Variants in BBS9 observed in about 807,000 individuals in gnomAD.
BBS9 encodes the protein Bardet-Biedl syndrome 9, also known as protein PTHB1.
A neutral mutation model predicts 117.7 loss-of-function variants in BBS9; 89 were observed. That is an observed-to-expected ratio of 0.76 (90% CI 0.64 to 0.90). The LOEUF is 0.90. Ranked by LOEUF, BBS9 falls within the 40% of genes least tolerant of loss-of-function variation. BBS9 has a pLI of 0.00. For synonymous variants in BBS9, 379 were observed against 370.9 expected (o/e 1.02, Z -0.25); for missense variants, 982 against 1,042.2 (o/e 0.94, Z 0.80).
At chr7:33,340,337 G>T in intron 10 of BBS9, among the ~76,000 whole-genome samples, 1 of 152,070 alleles carries the variant, frequency 6.6e-6, no homozygotes, top group East Asian at 1.9e-4. Flanking sequence ...TAAAATATCA[G>T]TATGTAAAGA....
At chr7:33,297,642 A>C (rs1403996876) in intron 9 of BBS9, among the ~76,000 whole-genome samples, 2 of 152,134 alleles carry the variant, frequency 1.3e-5, no homozygotes, top group African/African-American at 4.8e-5. Flanking sequence ...GCAACAAAAG[A>C]TGTATCTCAC....
Position 33,519,725 on chromosome 7 carries a change from G to C in BBS9, c.2298+14080G>C, listed in dbSNP as rs149651656. On this transcript the variant is annotated intron_variant, in intron 20 of 22. Coordinates refer to ENST00000242067, the MANE Select transcript of BBS9 (RefSeq NM_198428.3). ...GGGAAGAAGTCATTTCTGAAGCCCA[G>C]TAAAGTAAAAGGAGCCTAAGCAGAT... Among the ~76,000 whole-genome samples the C allele has an allele frequency of 5.3e-5, 8 of 152,292 alleles. No individual in the cohort carries two copies. The East Asian group carries it at 1.5e-3, about 29-fold the overall frequency.
In BBS9 at chr7:33,604,902, A is replaced by G; in HGVS notation, c.2559A>G (p.Glu853=). ...CTTIPESDLE[E]RSVEQDSTEL... is the part of the protein sequence containing the mutation. The stretch of plus-strand genomic sequence containing the variant: ...CAATCCCAGAGTCAGACCTAGAAGA[A>G]AGATCAGTAGAACAAGACTCTACAG... Residue 853 remains glutamate, a synonymous_variant, in exon 22 of 23, where the codon GAA becomes GAG. Coordinates refer to ENST00000242067, the MANE Select transcript of BBS9 (RefSeq NM_198428.3). 6.2e-7 allele frequency: 1 copy of G among 1,613,662 alleles called. No individual in the cohort carries two copies. Among genetic ancestry groups the G allele is most frequent in the Non-Finnish European group, 8.5e-7 (1 of 1,179,660 alleles).
intron 11 of BBS9, among the ~76,000 whole-genome samples, chr7:33,342,643 G>C (rs181112010): frequency 2.2e-4 from 34 of 152,176 alleles, no homozygotes; most frequent in East Asian, 1.9e-4. Flanking sequence ...GAGATTTCTT[G>C]AGAGTATCAT....
chr7:33,203,910 A>G (rs142322762), intron 5 of BBS9, among the ~76,000 whole-genome samples: 2,024 of 150,106 alleles, frequency 0.013, 52 homozygotes, highest in African/African-American at 0.047. Context: ...TTTAGTAGAG[A>G]CGGGGTTTCA....
At chr7:33,540,525 T>G (rs73109604) in intron 21 of BBS9, among the ~76,000 whole-genome samples, 18,920 of 152,242 alleles carry the variant, frequency 0.12, 1,268 homozygotes, top group African/African-American at 0.17. Flanking sequence ...AGTCTCCTCT[T>G]GCTCTTTCTC....
intron 19 of BBS9, among the ~76,000 whole-genome samples, chr7:33,449,876 A>G (rs1180320173): frequency 6.6e-6 from 1 of 152,178 alleles, no homozygotes; most frequent in Non-Finnish European, 1.5e-5. Context: ...ATTAAAAAAG[A>G]CACACACGAC....
chr7:33,157,475 C>G (rs1196025556), intron 4 of BBS9, among the ~76,000 whole-genome samples: 2 of 152,180 alleles, frequency 1.3e-5, no homozygotes, highest in African/African-American at 4.8e-5. Flanking sequence ...TTCTGTCTTT[C>G]ATTTCTTCAG....
chr7:33,265,681 C>G (rs1478440203), intron 7 of BBS9, among the ~76,000 whole-genome samples: 1 of 151,938 alleles, frequency 6.6e-6, no homozygotes, highest in Admixed American at 6.6e-5. Context: ...CCCATCTCCA[C>G]TAAAATACAA....
chr7:33,603,983 A>G (rs1426352428), intron 21 of BBS9, among the ~76,000 whole-genome samples: 3 of 152,192 alleles, frequency 2.0e-5, no homozygotes, highest in Non-Finnish European at 2.9e-5. Context: ...TGTGAGCTTC[A>G]TAAACCCCTT....
intron 21 of BBS9, among the ~76,000 whole-genome samples, chr7:33,624,053 A>G (rs1865531828): frequency 6.6e-6 from 1 of 152,118 alleles, no homozygotes; most frequent in Non-Finnish European, 1.5e-5. Flanking sequence ...AAAAAATTTA[A>G]AAACAGAAAA....
chr7:33,145,063 T>C (rs1792117540), intron 1 of BBS9, among the ~76,000 whole-genome samples: 1 of 152,178 alleles, frequency 6.6e-6, no homozygotes, highest in Non-Finnish European at 1.5e-5. Flanking sequence ...AACTACATTA[T>C]GTATTGATTG....
At chr7:33,213,732 C>T (rs1264971616) in intron 5 of BBS9, among the ~76,000 whole-genome samples, 1 of 151,994 alleles carries the variant, frequency 6.6e-6, no homozygotes, top group East Asian at 1.9e-4. Context: ...CCTTTCAAGG[C>T]AGTAGGTTGC....
At chr7:33,426,248 T>C (rs546161890) in intron 19 of BBS9, among the ~76,000 whole-genome samples, 17 of 152,322 alleles carry the variant, frequency 1.1e-4, no homozygotes, top group African/African-American at 3.4e-4. Context: ...CAAATACTTA[T>C]AATAGCTGCT....
At chr7:33,492,220 AAAAAC>A (rs1844062466) in intron 19 of BBS9, among the ~76,000 whole-genome samples, 2 of 149,672 alleles carry the variant, frequency 1.3e-5, no homozygotes, top group South Asian at 4.4e-4. Context: ...AAAACAAAAA[AAAAAC>A]AAAAAAAAAA....
chr7:33,613,156 G>T (rs1864962865), intron 21 of BBS9, among the ~76,000 whole-genome samples: 1 of 152,028 alleles, frequency 6.6e-6, no homozygotes, highest in Non-Finnish European at 1.5e-5. Flanking sequence ...AGGAAAGGGA[G>T]CTAGAAGATG....
chr7:33,445,298 A>G (rs1157990282), intron 19 of BBS9, among the ~76,000 whole-genome samples: 2 of 152,206 alleles, frequency 1.3e-5, no homozygotes, highest in Non-Finnish European at 2.9e-5. Flanking sequence ...ATTTTAGCTA[A>G]TGCTCTGATT....
intron 6 of BBS9, among the ~76,000 whole-genome samples, chr7:33,261,035 T>C (rs1279498676): frequency 2.6e-5 from 4 of 152,118 alleles, no homozygotes; most frequent in Non-Finnish European, 5.9e-5. Context: ...ATTTGTAGTC[T>C]CCATATATGT....
chr7:33,481,928 G>A (rs1048668790), intron 19 of BBS9, among the ~76,000 whole-genome samples: 6 of 152,306 alleles, frequency 3.9e-5, no homozygotes, highest in Middle Eastern at 3.4e-3. Context: ...TGGGAGGGAT[G>A]TCGTCCTGTA....
Sources: gnomAD v4.1 joint callset for allele counts (sites outside exome capture counted in the v4.1 genomes callset) on GRCh38, gnomAD v4.1.1 for gene constraint, MANE v1.5 for transcripts, NCBI Gene and HGNC (gene_info 2026-07-23, HGNC 2026-07-21) for gene names.